Variants in MGST1 observed in about 807,000 individuals in gnomAD.
MGST1 encodes the protein glutathione S-transferase 12.
A neutral mutation model predicts 8.9 loss-of-function variants in MGST1; 5 were observed. That is an observed-to-expected ratio of 0.56 (90% CI 0.29 to 1.19). MGST1 has a LOEUF of 1.19. MGST1 is among the 50% of genes most tolerant of loss of function. The probability of loss-of-function intolerance (pLI) is 0.08; values close to 1 mark genes in which losing one functional copy is unlikely to be tolerated. For missense variants in MGST1, 182 were observed against 187.4 expected (o/e 0.97, Z 0.17); for synonymous variants, 54 against 67.8 (o/e 0.80, Z 1.00).
Position 16,582,075 on chromosome 12 carries a change from T to C in MGST1, n.483-7453T>C, listed in dbSNP as rs1187305047. On this transcript the variant is annotated intron_variant and non_coding_transcript_variant, in intron 4 of 4. Transcript: ENST00000538857. This position sits in a 1 kb window ranked among gnomAD's most constrained non-coding sequence, Gnocchi z 4.1. ...AGTATCCCTGGCTTTTTCTTGGCTT[T>C]AATGGAAATTACTTTAGTATTTAGC... is the stretch of plus-strand genomic sequence containing the variant. Among the ~76,000 whole-genome samples, 2 of 152,194 alleles carry C rather than the reference T, an allele frequency of 1.3e-5. No homozygotes were observed. Among genetic ancestry groups the C allele is most frequent in the South Asian group, 2.1e-4 (1 of 4,838 alleles).
intron 4 of MGST1, among the ~76,000 whole-genome samples, chr12:16,456,039 C>T (rs975008340): frequency 6.6e-6 from 1 of 151,722 alleles, no homozygotes; most frequent in Non-Finnish European, 1.5e-5. Flanking sequence ...TATATTTGAG[C>T]AAGTGTTCAC....
At chr12:16,528,324 A>G (rs1289625102) in intron 4 of MGST1, among the ~76,000 whole-genome samples, 2 of 152,000 alleles carry the variant, frequency 1.3e-5, no homozygotes, top group African/African-American at 4.8e-5. Flanking sequence ...GGGAGGATTC[A>G]GCGAGGGGAA....
At chr12:16,443,139 C>A (rs143056953), downstream of MGST1, among the ~76,000 whole-genome samples, 251 of 151,766 alleles carry the variant, frequency 1.7e-3, 1 homozygote, top group Non-Finnish European at 3.0e-3. Context: ...TTCTTACTTT[C>A]GATGCAATTA....
intron 1 of MGST1, among the ~76,000 whole-genome samples, chr12:16,403,381 C>T (rs1038504055): frequency 6.6e-6 from 1 of 151,684 alleles, no homozygotes; most frequent in African/African-American, 2.4e-5. Context: ...TGATTTCAAG[C>T]CTTTGATGTG....
intron 4 of MGST1, among the ~76,000 whole-genome samples, chr12:16,519,274 A>G (rs1941634112): frequency 6.6e-6 from 1 of 152,222 alleles, no homozygotes; most frequent in Non-Finnish European, 1.5e-5. Flanking sequence ...TATAACTACC[A>G]TTTTTATGAA....
chr12:16,442,206 G>A (rs1010420126), downstream of MGST1, among the ~76,000 whole-genome samples: 20 of 151,418 alleles, frequency 1.3e-4, no homozygotes, highest in African/African-American at 3.9e-4. This position sits in a 1 kb window ranked among gnomAD's most constrained non-coding sequence, Gnocchi z 4.5. Context: ...TGTATCTTTC[G>A]TAAAAGAGTA....
At chr12:16,478,322 C>G (rs1941338188) in intron 4 of MGST1, among the ~76,000 whole-genome samples, 2 of 152,238 alleles carry the variant, frequency 1.3e-5, no homozygotes, top group Non-Finnish European at 2.9e-5. Flanking sequence ...GTCACCACGC[C>G]CGGCCCTTTC....
At chr12:16,543,006 C>T (rs1941801403) in intron 4 of MGST1, among the ~76,000 whole-genome samples, 3 of 152,132 alleles carry the variant, frequency 2.0e-5, no homozygotes, top group African/African-American at 4.8e-5. Context: ...AAATCACTTC[C>T]TCCTGGGTGC....
At chr12:16,354,132 C>G in intron 1 of MGST1, 99 bp from the exon 2 acceptor site, 1 of 843,068 alleles carries the variant, frequency 1.2e-6, no homozygotes. Flanking sequence ...TTTTTAAGAA[C>G]AGTATAATTA....
At chr12:16,349,961 G>C (rs1939387043) in intron 1 of MGST1, among the ~76,000 whole-genome samples, 1 of 152,050 alleles carries the variant, frequency 6.6e-6, no homozygotes. Flanking sequence ...AGCCAGGATG[G>C]TCTCGATCTC....
At chr12:16,507,951 T>C (rs1002735800) in intron 4 of MGST1, among the ~76,000 whole-genome samples, 5 of 152,192 alleles carry the variant, frequency 3.3e-5, no homozygotes, top group African/African-American at 1.2e-4. Context: ...CATTCTTTCA[T>C]GTGCCCTCTG....
chr12:16,397,809 T>C (rs1015699913), intron 1 of MGST1, among the ~76,000 whole-genome samples: 1 of 150,144 alleles, frequency 6.7e-6, no homozygotes, highest in Non-Finnish European at 1.5e-5. Flanking sequence ...TGTATATATT[T>C]AAGTGTCAAG....
Position 16,548,380 on chromosome 12 carries a change from C to T in MGST1, n.483-41148C>T, listed in dbSNP as rs183522484. ...AATTAAGTGCAATCAAATAGTGTAA[C>T]ACCCCTTTTATTAAAAACATAAATC... On this transcript the variant is annotated intron_variant and non_coding_transcript_variant, in intron 4 of 4. Transcript: ENST00000538857. This position sits in a 1 kb window ranked among gnomAD's most constrained non-coding sequence, Gnocchi z 4.2. 4.6e-5 allele frequency: 7 copies of T among 152,164 alleles called. No individual in the cohort carries two copies. The highest frequency in any genetic ancestry group is 3.3e-4 in the Admixed American group (5 of 15,286). 9.4% of individuals were successfully genotyped at this position (152,164 alleles called of 1,614,324 possible).
downstream of MGST1, among the ~76,000 whole-genome samples, chr12:16,592,430 C>T (rs907744202): frequency 6.6e-6 from 1 of 152,004 alleles, no homozygotes; most frequent in Non-Finnish European, 1.5e-5. Context: ...AAATGTTCCT[C>T]AGTGGATATT....
chr12:16,462,596 C>T (rs1163440736), intron 4 of MGST1, among the ~76,000 whole-genome samples: 1 of 151,902 alleles, frequency 6.6e-6, no homozygotes, highest in East Asian at 1.9e-4. Flanking sequence ...TTACAAACTA[C>T]AGAAATTCTG....
At position 16,497,614 on chromosome 12, in the gene MGST1, TA is replaced by T. The variant is rs2137163556; in HGVS notation, n.483-91913del. 6.6e-6 allele frequency among the ~76,000 whole-genome samples: 1 copy of T among 152,308 alleles called. No individual in the cohort carries two copies. Among genetic ancestry groups the T allele is most frequent in the East Asian group, 1.9e-4 (1 of 5,188 alleles). On this transcript the variant is annotated intron_variant and non_coding_transcript_variant, in intron 4 of 4. Transcript: ENST00000538857. This position sits in a 1 kb window ranked among gnomAD's most constrained non-coding sequence, Gnocchi z 4.4. ...TTTTTCTGATTGTTTTCTGAATTTA[TA>T]GAAAAGGGAGTTTTAACTAGGTCGT... is the stretch of plus-strand genomic sequence containing the variant.
At chr12:16,416,243 A>G (rs10846361) in intron 1 of MGST1, among the ~76,000 whole-genome samples, 28,913 of 152,112 alleles carry the variant, frequency 0.19, 3,224 homozygotes, top group East Asian at 0.44. Flanking sequence ...GCTTAAAACT[A>G]TTTATAAATG....
intron 4 of MGST1, among the ~76,000 whole-genome samples, chr12:16,539,597 T>C (rs934720415): frequency 6.6e-6 from 1 of 152,170 alleles, no homozygotes; most frequent in Non-Finnish European, 1.5e-5. Context: ...CCCATATTTG[T>C]CAACTGTATC....
chr12:16,526,580 T>G (rs1392281707), intron 4 of MGST1, among the ~76,000 whole-genome samples: 6 of 152,056 alleles, frequency 3.9e-5, no homozygotes, highest in Non-Finnish European at 8.8e-5. Flanking sequence ...ACTAAGCATA[T>G]TTTTGTTTAG....
Sources: allele counts gnomAD v4.1 joint callset (sites outside exome capture counted in the v4.1 genomes callset), GRCh38; gene constraint gnomAD v4.1.1; non-coding constraint Gnocchi (gnomAD v3.1); transcripts MANE v1.5; gene names NCBI Gene and HGNC (gene_info 2026-07-23, HGNC 2026-07-21).